The following WBP2NL variants were observed in gnomAD, a reference collection of about 807,000 sequenced individuals.
WBP2NL encodes WBP2 N-terminal like.
WBP2NL carries 27 observed loss-of-function variants against 23.3 expected under a neutral mutation model. The observed-to-expected ratio is 1.16, with a 90% CI of 0.85 to 1.60. The LOEUF is 1.60. Among genes scored for constraint, WBP2NL ranks in the 40% most tolerant of loss-of-function variants. The pLI is 0.00. For synonymous variants in WBP2NL, 151 were observed against 145.9 expected (o/e 1.03, Z -0.25); for missense variants, 370 against 389.5 (o/e 0.95, Z 0.42).
intron 1 of WBP2NL, among the ~76,000 whole-genome samples, chr22:41,999,311 C>G (rs1477698206): frequency 6.6e-6 from 1 of 152,072 alleles, no homozygotes; most frequent in Non-Finnish European, 1.5e-5. Context: ...GTGTGTATCT[C>G]CTCCTACTTC....
intron 8 of WBP2NL, among the ~76,000 whole-genome samples, chr22:42,039,246 AT>A (rs1046851047): frequency 2.8e-5 from 4 of 145,452 alleles, no homozygotes; most frequent in Non-Finnish European, 4.5e-5. Context: ...TAATTCTTGT[AT>A]TTTTTTTTAG....
intron 8 of WBP2NL, among the ~76,000 whole-genome samples, chr22:42,042,108 C>CT (rs148121815): frequency 1.3e-5 from 2 of 152,268 alleles, no homozygotes; most frequent in East Asian, 3.9e-4. Context: ...AAGTTTTTGA[C>CT]TTTGACAGTT....
chr22:42,050,920 A>G (rs1328709059), intron 8 of WBP2NL, among the ~76,000 whole-genome samples: 3 of 152,216 alleles, frequency 2.0e-5, no homozygotes, highest in Non-Finnish European at 4.4e-5. Flanking sequence ...ACACTTTAGT[A>G]AGAAACTGCC....
At chr22:42,024,318 A>G (rs929860999) in intron 5 of WBP2NL, among the ~76,000 whole-genome samples, 5 of 152,120 alleles carry the variant, frequency 3.3e-5, no homozygotes, top group Admixed American at 2.0e-4. Flanking sequence ...ATAATTTTCT[A>G]CGTAGACATA....
chr22:42,053,968 TA>T (rs201088646), intron 8 of WBP2NL, among the ~76,000 whole-genome samples: 3 of 151,258 alleles, frequency 2.0e-5, no homozygotes, highest in Admixed American at 6.6e-5. Context: ...ATTTTTTATT[TA>T]AAAAAAAATG....
At chr22:42,009,738 A>G (rs1922635231) in intron 1 of WBP2NL, among the ~76,000 whole-genome samples, 1 of 152,198 alleles carries the variant, frequency 6.6e-6, no homozygotes. Context: ...CTTTGAAATC[A>G]GGAAGTGTGA....
At chr22:42,049,032 G>A (rs1925712005) in intron 8 of WBP2NL, among the ~76,000 whole-genome samples, 1 of 152,148 alleles carries the variant, frequency 6.6e-6, no homozygotes, top group South Asian at 2.1e-4. Context: ...CAGAATGAAG[G>A]AACAACCTAC....
intron 5 of WBP2NL, among the ~76,000 whole-genome samples, chr22:42,025,983 T>C (rs1924435971): frequency 6.6e-6 from 1 of 152,108 alleles, no homozygotes; most frequent in Admixed American, 6.6e-5. Context: ...TAAAAAATCA[T>C]ATGGCTGGCC....
chr22:42,006,671 A>G (rs1039975349), intron 1 of WBP2NL, among the ~76,000 whole-genome samples: 5 of 152,256 alleles, frequency 3.3e-5, no homozygotes, highest in African/African-American at 1.2e-4. Context: ...CTTGTGTCAT[A>G]GCTTACTAAA....
intron 8 of WBP2NL, among the ~76,000 whole-genome samples, chr22:42,057,879 A>G (rs1428267347): frequency 3.4e-3 from 47 of 13,656 alleles, no homozygotes; most frequent in Admixed American, 0.029. Context: ...GTATATATAT[A>G]TATATATATA....
intron 8 of WBP2NL, among the ~76,000 whole-genome samples, chr22:42,051,317 G>C (rs571150495): frequency 2.5e-4 from 38 of 151,978 alleles, no homozygotes; most frequent in African/African-American, 9.2e-4. Flanking sequence ...ACAGTGAAAA[G>C]ATCAGTGATG....
downstream of WBP2NL, among the ~76,000 whole-genome samples, chr22:42,035,539 T>A (rs1202214459): frequency 1.3e-5 from 2 of 152,244 alleles, no homozygotes; most frequent in Non-Finnish European, 2.9e-5. Context: ...GCCTAGTTGC[T>A]GCAGCCAGCG....
At chr22:42,013,024 T>A (rs1295229670) in intron 1 of WBP2NL, among the ~76,000 whole-genome samples, 2 of 151,612 alleles carry the variant, frequency 1.3e-5, no homozygotes, top group East Asian at 3.9e-4. Flanking sequence ...TTTTTTTACT[T>A]TTAGCAGTTT....
intron 8 of WBP2NL, among the ~76,000 whole-genome samples, chr22:42,050,929 C>T (rs1208702128): frequency 2.6e-5 from 4 of 152,172 alleles, no homozygotes; most frequent in Non-Finnish European, 2.9e-5. Flanking sequence ...TAAGAAACTG[C>T]CAAACTGTCT....
rs1056808340 is a variant in WBP2NL, at chr22:42,027,839, C to T, written c.*658C>T. 5.0e-6 allele frequency: 2 copies of T among 397,214 alleles called. No homozygotes were observed. The highest frequency in any genetic ancestry group is 2.1e-5 in the African/African-American group (1 of 48,696). The allele number at this position is 397,214 out of a possible 1,614,324, so 24.6% of individuals were successfully genotyped here. On this transcript the variant is annotated 3_prime_UTR_variant, in exon 6 of 6. Transcript: ENST00000328823. ...TATATATTAATTTATAGTCAGAATA[C>T]GTGAATAACTACAAATCAATTCTCC...
At chr22:42,011,226 T>G (rs1195965724) in intron 1 of WBP2NL, among the ~76,000 whole-genome samples, 1 of 152,206 alleles carries the variant, frequency 6.6e-6, no homozygotes, top group Non-Finnish European at 1.5e-5. Flanking sequence ...TTAAACGTTT[T>G]GTATAATAGA....
At chr22:42,009,810 T>C (rs757226633) in intron 1 of WBP2NL, among the ~76,000 whole-genome samples, 4 of 152,240 alleles carry the variant, frequency 2.6e-5, no homozygotes, top group Non-Finnish European at 5.9e-5. Context: ...AGATTCTATA[T>C]GAATTTTATG....
chr22:42,009,688 C>T (rs572929798), intron 1 of WBP2NL, among the ~76,000 whole-genome samples: 22 of 152,268 alleles, frequency 1.4e-4, no homozygotes, highest in African/African-American at 5.3e-4. Context: ...TCTTTAATGC[C>T]AGTATCATGC....
intron 8 of WBP2NL, among the ~76,000 whole-genome samples, chr22:42,050,437 G>A (rs1925797038): frequency 6.6e-6 from 1 of 152,122 alleles, no homozygotes; most frequent in Non-Finnish European, 1.5e-5. Context: ...CCTGAGGTTA[G>A]GAATTTGAGA....
Sources: gnomAD v4.1 joint callset for allele counts (sites outside exome capture counted in the v4.1 genomes callset) on GRCh38, gnomAD v4.1.1 for gene constraint, MANE v1.5 for transcripts, NCBI Gene and HGNC (gene_info 2026-07-23, HGNC 2026-07-21) for gene names.